The following WDPCP variants were observed in gnomAD, a reference collection of about 807,000 sequenced individuals.
WDPCP encodes the protein WD repeat containing planar cell polarity effector.
WDPCP carries 71 observed loss-of-function variants against 93.1 expected under a neutral mutation model. That is an observed-to-expected ratio of 0.76 (90% confidence interval 0.63 to 0.93). The LOEUF is 0.93. Among genes scored for constraint, WDPCP ranks in the 40% least tolerant of loss-of-function variants. WDPCP has a pLI of 0.00. For missense variants in WDPCP, 844 were observed against 887.4 expected (o/e 0.95, Z 0.62); for synonymous variants, 315 against 315.0 (o/e 1.00, Z 0.00).
chr2:63,588,993 T>G (rs763668296), upstream of WDPCP: 2 of 1,614,026 alleles, frequency 1.2e-6, no homozygotes, highest in South Asian at 1.1e-5. Flanking sequence ...GTGACCTGAC[T>G]CTCTGAGGCT....
At chr2:63,499,146 C>T (rs761770967) in intron 1 of WDPCP, among the ~76,000 whole-genome samples, 7 of 152,048 alleles carry the variant, frequency 4.6e-5, no homozygotes, top group Admixed American at 1.3e-4. Flanking sequence ...AAAAACAATA[C>T]GAAGTGTGTA....
intron 1 of WDPCP, among the ~76,000 whole-genome samples, chr2:63,521,135 A>G (rs963815868): frequency 5.9e-5 from 9 of 152,202 alleles, no homozygotes; most frequent in African/African-American, 1.4e-4. Context: ...CAGTGATACT[A>G]TAAGGCAACC....
chr2:63,563,574 A>G (rs1297618863), intron 1 of WDPCP, among the ~76,000 whole-genome samples: 1 of 151,990 alleles, frequency 6.6e-6, no homozygotes, highest in African/African-American at 2.4e-5. Flanking sequence ...AATGACTACT[A>G]ATGCATATAG....
chr2:63,454,071 G>A (rs897780030), intron 6 of WDPCP, among the ~76,000 whole-genome samples: 13 of 151,120 alleles, frequency 8.6e-5, no homozygotes, highest in Non-Finnish European at 1.2e-4. Flanking sequence ...AAACCTGCAC[G>A]TTGTGCACAT....
intron 1 of WDPCP, among the ~76,000 whole-genome samples, chr2:63,585,783 T>C (rs1708803024): frequency 6.6e-6 from 1 of 151,398 alleles, no homozygotes; most frequent in African/African-American, 2.4e-5. Context: ...ACTAGATCTA[T>C]AACAATTTTA....
At chr2:63,155,738 A>G (rs1048562393) in intron 15 of WDPCP, among the ~76,000 whole-genome samples, 2 of 152,234 alleles carry the variant, frequency 1.3e-5, no homozygotes, top group Non-Finnish European at 2.9e-5. Context: ...AATGTTTGTC[A>G]ACCCCTGCTT....
intron 1 of WDPCP, among the ~76,000 whole-genome samples, chr2:63,516,914 G>A (rs950015153): frequency 1.3e-5 from 2 of 151,502 alleles, no homozygotes; most frequent in Admixed American, 6.6e-5. Flanking sequence ...TTTATATAGG[G>A]GGATGAGGAC....
chr2:63,495,772 T>C (rs190612962), intron 1 of WDPCP, among the ~76,000 whole-genome samples: 1 of 152,262 alleles, frequency 6.6e-6, no homozygotes, highest in African/African-American at 2.4e-5. Context: ...AGTATATCCA[T>C]CACTACGCAA....
intron 12 of WDPCP, among the ~76,000 whole-genome samples, chr2:63,332,053 A>G (rs943053448): frequency 2.6e-5 from 4 of 151,172 alleles, no homozygotes; most frequent in Non-Finnish European, 5.9e-5. Context: ...TTGTGTGGAG[A>G]TGTATTTTCA....
chr2:63,806,895 T>C (rs1670775142), intron 2 of WDPCP, among the ~76,000 whole-genome samples: 1 of 152,218 alleles, frequency 6.6e-6, no homozygotes. Flanking sequence ...CATTTCATAT[T>C]GCTCAAACAC....
chr2:63,831,452 G>A (rs896338286), upstream of WDPCP, among the ~76,000 whole-genome samples: 7 of 152,022 alleles, frequency 4.6e-5, no homozygotes, highest in Admixed American at 3.3e-4. Context: ...TTATATGGCT[G>A]AACTTTTTTC....
chr2:63,420,233 T>C (rs1056964561), intron 9 of WDPCP, among the ~76,000 whole-genome samples: 2 of 151,830 alleles, frequency 1.3e-5, no homozygotes, highest in African/African-American at 4.8e-5. Flanking sequence ...TTTAATGAAA[T>C]AAATATTGGC....
upstream of WDPCP, chr2:63,589,211 A>C: frequency 6.3e-7 from 1 of 1,577,448 alleles, no homozygotes; most frequent in East Asian, 2.3e-5. Flanking sequence ...TGACCCAGTA[A>C]TGGGAAGGGA....
intron 2 of WDPCP, among the ~76,000 whole-genome samples, chr2:63,750,743 G>GT (rs201225917): frequency 0.051 from 7,674 of 151,880 alleles, 354 homozygotes; most frequent in African/African-American, 0.11. Flanking sequence ...ATGATCTTAT[G>GT]TTTTTTTTCT....
At chr2:63,324,910 C>G (rs1270575829) in intron 12 of WDPCP, among the ~76,000 whole-genome samples, 3 of 152,186 alleles carry the variant, frequency 2.0e-5, no homozygotes, top group Non-Finnish European at 4.4e-5. Flanking sequence ...AATCCTTCTG[C>G]TTTCCTCAAG....
chr2:63,236,586 G>A (rs569452452), intron 14 of WDPCP, among the ~76,000 whole-genome samples: 12 of 152,130 alleles, frequency 7.9e-5, no homozygotes, highest in Non-Finnish European at 1.8e-4. Context: ...GACATTACAA[G>A]ACTGCAGTAA....
chr2:63,699,067 T>C (rs868193707), intron 2 of WDPCP, among the ~76,000 whole-genome samples: 1 of 152,150 alleles, frequency 6.6e-6, no homozygotes, highest in Non-Finnish European at 1.5e-5. Context: ...GCAACACGGT[T>C]TCCCAGAGCT....
chr2:63,670,209 C>T (rs570465866), intron 2 of WDPCP, among the ~76,000 whole-genome samples: 2 of 152,204 alleles, frequency 1.3e-5, no homozygotes, highest in East Asian at 3.9e-4. Context: ...TCTTGACTTC[C>T]AGAGAGCTCT....
In WDPCP at chr2:63,622,373, G is replaced by T. The variant is rs1027416279; in HGVS notation, n.488+28286C>A. The T allele has an allele frequency of 3.7e-6, 6 of 1,605,990 alleles. No individual in the cohort carries two copies. The Admixed American group carries it at 6.7e-5, about 18-fold the overall frequency. On this transcript the variant is annotated intron_variant and non_coding_transcript_variant, in intron 3 of 4. Coordinates refer to the WDPCP transcript ENST00000467687. ...AACCCTTCATAGTCTTGGTCACGTTGCTTTTGAACTGGGCAAGACCAAATT... is the reference window on the plus strand; with the variant it reads ...AACCCTTCATAGTCTTGGTCACGTTTCTTTTGAACTGGGCAAGACCAAATT...
Sources: gnomAD v4.1 joint callset for allele counts (sites outside exome capture counted in the v4.1 genomes callset) on GRCh38, gnomAD v4.1.1 for gene constraint, MANE v1.5 for transcripts, NCBI Gene and HGNC (gene_info 2026-07-23, HGNC 2026-07-21) for gene names.